ARMC8: variants seen among roughly 807,000 people sequenced by gnomAD.
ARMC8 encodes armadillo repeat-containing protein 8.
Under a neutral mutation model 99.3 loss-of-function variants are expected in ARMC8, and 20 were observed. That is an observed-to-expected ratio of 0.20 (90% CI 0.14 to 0.29). The LOEUF (loss-of-function observed/expected upper bound fraction) is 0.29. Ranked by LOEUF, ARMC8 falls within the 10% of genes least tolerant of loss-of-function variation. The probability of loss-of-function intolerance (pLI) is 1.00; values close to 1 mark genes in which losing one functional copy is unlikely to be tolerated. For missense variants in ARMC8, 569 were observed against 809.5 expected (o/e 0.70, Z 3.60); for synonymous variants, 263 against 278.3 (o/e 0.95, Z 0.55).
intron 1 of ARMC8, among the ~76,000 whole-genome samples, chr3:138,205,415 C>T (rs2044318601): frequency 6.6e-6 from 1 of 152,066 alleles, no homozygotes; most frequent in African/African-American, 2.4e-5. Context: ...TCTCTCACAC[C>T]CTACATCGAG....
At chr3:138,237,614 C>G in intron 9 of ARMC8, 42 bp downstream of exon 9, 6 of 1,527,298 alleles carry the variant, frequency 3.9e-6, no homozygotes, top group Non-Finnish European at 4.5e-6. Context: ...AGTGCTTTAT[C>G]AATATCTTAG....
chr3:138,239,432 C>T lies in ARMC8; in HGVS notation c.777-36C>T, dbSNP rs538958527. On this transcript the variant is annotated intron_variant, in intron 9 of 21. Transcript: ENST00000469044. ...AATTTTTCATTTAAAGCTTTAAACT[C>T]CAAGCAAAAACTTATTTTCTGCTGT... 3.2e-5 allele frequency: 48 copies of T among 1,519,394 alleles called. 2 individuals carry two copies. The South Asian group carries it at 6.1e-4, about 19-fold the overall frequency. The allele number at this position is 1,519,394 out of a possible 1,614,324, so 94.1% of individuals were successfully genotyped here.
intron 12 of ARMC8, among the ~76,000 whole-genome samples, chr3:138,258,153 G>C (rs1041239607): frequency 6.6e-6 from 1 of 152,118 alleles, no homozygotes; most frequent in African/African-American, 2.4e-5. Context: ...GCCACCCACT[G>C]CCTTGACACC....
chr3:138,255,655 T>G (rs959886162), intron 12 of ARMC8, among the ~76,000 whole-genome samples: 1 of 152,176 alleles, frequency 6.6e-6, no homozygotes, highest in African/African-American at 2.4e-5. Flanking sequence ...TGATCTGTTC[T>G]AAGAGAAACT....
intron 2 of ARMC8, among the ~76,000 whole-genome samples, chr3:138,212,688 G>T (rs1055666514): frequency 6.6e-5 from 10 of 151,986 alleles, no homozygotes; most frequent in Non-Finnish European, 1.2e-4. Flanking sequence ...CCAATTTTTT[G>T]ATTTTTATAC....
intron 2 of ARMC8, among the ~76,000 whole-genome samples, chr3:138,219,030 A>T (rs2045244218): frequency 1.3e-5 from 2 of 152,170 alleles, no homozygotes; most frequent in African/African-American, 4.8e-5. Flanking sequence ...TAATGGAAAA[A>T]ACAGTTGGCA....
intron 12 of ARMC8, among the ~76,000 whole-genome samples, chr3:138,257,226 A>T (rs1371585072): frequency 6.6e-6 from 1 of 152,222 alleles, no homozygotes; most frequent in Non-Finnish European, 1.5e-5. Context: ...TGATTCGTGG[A>T]ATACCATGTA....
At chr3:138,277,836 T>TC (rs1363393758) in intron 18 of ARMC8, among the ~76,000 whole-genome samples, 26 of 152,318 alleles carry the variant, frequency 1.7e-4, no homozygotes, top group African/African-American at 5.8e-4. Context: ...CATAACAACT[T>TC]TATTTGTATC....
At chr3:138,250,189 C>T (rs2047059789) in intron 12 of ARMC8, among the ~76,000 whole-genome samples, 1 of 151,970 alleles carries the variant, frequency 6.6e-6, no homozygotes, top group Non-Finnish European at 1.5e-5. Context: ...TTTTTCCTAG[C>T]AAAGGAAGTT....
intron 15 of ARMC8, among the ~76,000 whole-genome samples, chr3:138,268,898 A>G (rs750940014): frequency 6.6e-5 from 10 of 152,336 alleles, no homozygotes; most frequent in Non-Finnish European, 1.0e-4. Flanking sequence ...TGATTAAAGT[A>G]TTATTTTAAT....
intron 6 of ARMC8, among the ~76,000 whole-genome samples, chr3:138,234,613 T>C (rs1161584702): frequency 6.6e-6 from 1 of 152,220 alleles, no homozygotes; most frequent in Non-Finnish European, 1.5e-5. Flanking sequence ...CAGTTCTAAG[T>C]TGTAACAATG....
In ARMC8 at chr3:138,187,534, A is replaced by C. The variant is rs1489087707; in HGVS notation, c.-21A>C. On this transcript the variant is annotated 5_prime_UTR_variant, in exon 1 of 22. Transcript: ENST00000469044. ...CGGCCCCCGCGCCGGCGCCTGCAGC[A>C]GCCGGGTGGGAAGGCTCAAGATGGC... The C allele has an allele frequency of 6.5e-7, 1 of 1,535,508 alleles. No individual in the cohort carries two copies. The highest frequency in any genetic ancestry group is 8.7e-7 in the Non-Finnish European group (1 of 1,146,498).
chr3:138,199,841 T>G (rs2043948598), intron 1 of ARMC8, among the ~76,000 whole-genome samples: 1 of 152,246 alleles, frequency 6.6e-6, no homozygotes, highest in African/African-American at 2.4e-5. Context: ...GTGATTGATC[T>G]GAGCAGTGTA....
intron 11 of ARMC8, 69 bp downstream of exon 11, chr3:138,242,052 T>G: frequency 7.8e-7 from 1 of 1,277,856 alleles, no homozygotes; most frequent in Non-Finnish European, 1.1e-6. Flanking sequence ...GTTCACAGTT[T>G]TGAACCAATT....
intron 1 of ARMC8, among the ~76,000 whole-genome samples, chr3:138,205,036 A>G (rs1173978097): frequency 7.0e-6 from 1 of 141,864 alleles, no homozygotes; most frequent in Non-Finnish European, 1.5e-5. Context: ...TTAACTAGCA[A>G]CTCAGTCTCT....
chr3:138,192,798 G>A (rs1361194211), intron 1 of ARMC8, among the ~76,000 whole-genome samples: 1 of 152,070 alleles, frequency 6.6e-6, no homozygotes, highest in African/African-American at 2.4e-5. Flanking sequence ...GCCTTTCAAA[G>A]TGTTGGGATT....
chr3:138,254,961 C>G (rs990839784), intron 12 of ARMC8, among the ~76,000 whole-genome samples: 8 of 152,128 alleles, frequency 5.3e-5, no homozygotes, highest in African/African-American at 1.7e-4. Context: ...ATATGTACCC[C>G]TCTTCTTTAT....
chr3:138,265,039 A>T (rs971030882), intron 14 of ARMC8, among the ~76,000 whole-genome samples: 1 of 151,766 alleles, frequency 6.6e-6, no homozygotes, highest in Non-Finnish European at 1.5e-5. Context: ...CTGGGACTAC[A>T]GGTATGTGCC....
At chr3:138,286,575 C>T (rs1046599911) in intron 19 of ARMC8, among the ~76,000 whole-genome samples, 1 of 152,172 alleles carries the variant, frequency 6.6e-6, no homozygotes, top group African/African-American at 2.4e-5. Context: ...CAGATCACAA[C>T]CTTCATTGTA....
Sources: allele counts gnomAD v4.1 joint callset (sites outside exome capture counted in the v4.1 genomes callset), GRCh38; gene constraint gnomAD v4.1.1; transcripts MANE v1.5; gene names NCBI Gene and HGNC (gene_info 2026-07-23, HGNC 2026-07-21).